The following CHM variants were observed in gnomAD, a reference collection of about 807,000 sequenced individuals.
The protein encoded by CHM is CHM Rab escort protein, also known as rab proteins geranylgeranyltransferase component A 1.
A neutral mutation model predicts 49.0 loss-of-function variants in CHM; 10 were observed. The ratio of observed to expected loss-of-function variants is 0.20; its 90% CI spans 0.13 to 0.35. The LOEUF is 0.35. CHM is among the 10% of genes least tolerant of loss of function. The probability of loss-of-function intolerance (pLI) is 1.00; values close to 1 mark genes in which losing one functional copy is unlikely to be tolerated. For missense variants in CHM, 455 were observed against 478.4 expected, an observed-to-expected ratio of 0.95 and a Z score of 0.46; for synonymous variants, 184 against 167.5, an observed-to-expected ratio of 1.10 and a Z score of -0.76.
intron 2 of CHM, among the ~76,000 whole-genome samples, chrX:85,984,002 G>A (rs1931769580): frequency 9.1e-6 from 1 of 110,063 alleles, no homozygotes; most frequent in African/African-American, 3.3e-5. Flanking sequence ...AGGAGGTCGA[G>A]ACTAGACTGG....
chrX:86,020,555 T>C (rs917947735), intron 2 of CHM, among the ~76,000 whole-genome samples: 1 of 106,646 alleles, frequency 9.4e-6, no homozygotes, highest in South Asian at 3.9e-4. Context: ...CATTACAAAA[T>C]ATACATATTA....
At position 85,946,188 on chromosome X, in the gene CHM, G is replaced by A. The variant is rs759633024; in HGVS notation, c.1166+9965C>T. ...AGTTTAGAAAACTTGTAGCCTGGCC[G>A]TGTGGTAGAAAAGAAAAGCCCATTT... On this transcript the variant is annotated intron_variant, in intron 8 of 14. Transcript: ENST00000357749. 1.2e-4 allele frequency among the ~76,000 whole-genome samples: 14 copies of A among 112,521 alleles called. No homozygotes were observed. The East Asian group carries it at 1.7e-3, about 13-fold the overall frequency.
chrX:85,934,632 G>T (rs779553832), intron 8 of CHM, among the ~76,000 whole-genome samples: 5 of 110,035 alleles, frequency 4.5e-5, no homozygotes, highest in South Asian at 7.9e-4. Context: ...TTTTATGGCT[G>T]CATAGTATTC....
intron 8 of CHM, among the ~76,000 whole-genome samples, chrX:85,954,373 T>A (rs1264326068): frequency 9.0e-6 from 1 of 111,483 alleles, no homozygotes; most frequent in Non-Finnish European, 1.9e-5. Context: ...TGGAAGTTCC[T>A]CAGAAAAGTA....
chrX:85,875,501 A>C (rs751627904), intron 13 of CHM, among the ~76,000 whole-genome samples: 1 of 111,700 alleles, frequency 9.0e-6, no homozygotes, highest in Non-Finnish European at 1.9e-5. Flanking sequence ...CAACTATAGC[A>C]CAACAATAAC....
At chrX:85,975,806 C>A (rs937954506) in intron 4 of CHM, among the ~76,000 whole-genome samples, 23 of 112,248 alleles carry the variant, frequency 2.0e-4, no homozygotes, top group African/African-American at 6.8e-4. Flanking sequence ...TAAATACACA[C>A]AAACTCCATA....
chrX:86,030,051 G>A (rs1054546514), intron 1 of CHM, among the ~76,000 whole-genome samples: 5 of 111,454 alleles, frequency 4.5e-5, no homozygotes, highest in Admixed American at 2.9e-4. Flanking sequence ...AAAATTACTC[G>A]CCTCCATTTG....
At chrX:85,961,918 C>T (rs1442352852) in intron 5 of CHM, among the ~76,000 whole-genome samples, 3 of 111,427 alleles carry the variant, frequency 2.7e-5, no homozygotes, top group African/African-American at 9.8e-5. Flanking sequence ...TCTTTTTCCT[C>T]CCACAACCAG....
chrX:85,987,591 A>T (rs2147723362), intron 2 of CHM, among the ~76,000 whole-genome samples: 1 of 111,959 alleles, frequency 8.9e-6, no homozygotes, highest in South Asian at 3.7e-4. Context: ...TTTTTGAAAA[A>T]ATTAATAAGA....
At chrX:85,920,506 A>G (rs184022656) in intron 8 of CHM, among the ~76,000 whole-genome samples, 256 of 112,127 alleles carry the variant, frequency 2.3e-3, no homozygotes, top group African/African-American at 8.0e-3. Context: ...AGGGAATTAC[A>G]TGTGGGGAAA....
intron 9 of CHM, 43 bp downstream of exon 9, chrX:85,911,202 AATATATATATATGAAT>A: frequency 3.2e-5 from 2 of 63,090 alleles, no homozygotes; most frequent in Non-Finnish European, 2.9e-5. Flanking sequence ...TATATATATG[AATATATATATATGAAT>A]ATATATATAT....
In CHM at chrX:86,022,481, A is replaced by G. The variant is rs1288390294; in HGVS notation, c.116+5010T>C. Among the ~76,000 whole-genome samples, 6 of 111,261 alleles carry G rather than the reference A, an allele frequency of 5.4e-5. No homozygotes were observed. In the East Asian group the frequency reaches 1.7e-3, roughly 32 times the overall value. ...GTGAAGTCGCCATATATGAAAATCT[A>G]CACCCTCCTGCTTTTCTTCTCAACC... On this transcript the variant is annotated intron_variant, in intron 2 of 14. Coordinates refer to ENST00000357749, the MANE Select transcript of CHM (RefSeq NM_000390.4).
At chrX:86,042,159 T>C (rs1405664482) in intron 1 of CHM, among the ~76,000 whole-genome samples, 1 of 111,170 alleles carries the variant, frequency 9.0e-6, no homozygotes, top group Non-Finnish European at 1.9e-5. Flanking sequence ...ACTACCTTAA[T>C]GTTTAAATTC....
intron 2 of CHM, among the ~76,000 whole-genome samples, chrX:85,997,295 A>T (rs977210642): frequency 1.8e-5 from 2 of 111,283 alleles, no homozygotes; most frequent in Admixed American, 1.9e-4. Context: ...AAATTTGAGC[A>T]TGTTTAATGT....
At chrX:85,903,300 T>C (rs1364086223) in intron 9 of CHM, among the ~76,000 whole-genome samples, 1 of 110,995 alleles carries the variant, frequency 9.0e-6, no homozygotes. Flanking sequence ...AAAATAAAAC[T>C]GGGGGAGGGG....
intron 8 of CHM, among the ~76,000 whole-genome samples, chrX:85,913,332 A>AAAAAAAAAAAAAAAAGAAAGAAAGAAAG (rs762266365): frequency 4.3e-5 from 1 of 23,419 alleles, no homozygotes; most frequent in Non-Finnish European, 8.1e-5. Context: ...AAAAAAAAAA[A>AAAAAAAAAAAAAAAAGAAAGAAAGAAAG]AAAGAAAGAA....
chrX:85,877,531 A>G, intron 13 of CHM, among the ~76,000 whole-genome samples: 1 of 111,920 alleles, frequency 8.9e-6, no homozygotes, highest in East Asian at 2.8e-4. Flanking sequence ...AGCATTTGAT[A>G]GCACAACAGG....
chrX:85,978,460 G>C (rs897807088), intron 4 of CHM, among the ~76,000 whole-genome samples: 2 of 111,534 alleles, frequency 1.8e-5, no homozygotes, highest in Admixed American at 1.9e-4. Context: ...AAGTTCCATT[G>C]AGGATTCTGT....
chrX:86,047,347 G>A, intron 1 of CHM, 137 bp downstream of exon 1: 1 of 579,270 alleles, frequency 1.7e-6, no homozygotes, highest in Non-Finnish European at 3.0e-6. Context: ...CGCTGACTCC[G>A]GACTACCTCA....
Sources: gnomAD v4.1 joint callset for allele counts (sites outside exome capture counted in the v4.1 genomes callset) on GRCh38, gnomAD v4.1.1 for gene constraint, MANE v1.5 for transcripts, NCBI Gene and HGNC (gene_info 2026-07-23, HGNC 2026-07-21) for gene names.